Variants in CC2D2B observed in about 807,000 individuals in gnomAD.
CC2D2B encodes coiled-coil and C2 domain containing 2B, also known as protein CC2D2B.
A neutral mutation model predicts 161.2 loss-of-function variants in CC2D2B; 128 were observed. The observed-to-expected ratio is 0.79, with a 90% CI of 0.69 to 0.92. The LOEUF (loss-of-function observed/expected upper bound fraction) is 0.92. Ranked by LOEUF, CC2D2B falls within the 40% of genes least tolerant of loss-of-function variation. CC2D2B has a pLI of 0.00. For synonymous variants in CC2D2B, 391 were observed against 449.8 expected, an observed-to-expected ratio of 0.87 and a Z score of 1.65; for missense variants, 1,173 against 1,375.1, an observed-to-expected ratio of 0.85 and a Z score of 2.32.
intron 26 of CC2D2B, among the ~76,000 whole-genome samples, chr10:96,010,898 A>G (rs1351398555): frequency 1.3e-5 from 2 of 152,204 alleles, no homozygotes; most frequent in Non-Finnish European, 2.9e-5. Flanking sequence ...AGGAGATAAC[A>G]GTGCTCTCAG....
chr10:95,924,915 C>T, intron 5 of CC2D2B, 71 bp downstream of exon 5: 1 of 951,582 alleles, frequency 1.1e-6, no homozygotes, highest in Non-Finnish European at 1.6e-6. Context: ...AGCAAAACTT[C>T]ACCCATTTAA....
rs1353292495 is a variant in CC2D2B, at chr10:96,012,166, T to C, written c.3046-19T>C. ...TATTTTCATCATGCATAATCCATTA[T>C]ACTGATATACTCTTTCAGATTAGTG... On this transcript the variant is annotated intron_variant, in intron 26 of 34. Coordinates refer to ENST00000646931, the MANE Select transcript of CC2D2B (RefSeq NM_001349008.3). The C allele has an allele frequency of 2.0e-5, 13 of 652,832 alleles. No homozygotes were observed. The highest frequency in any genetic ancestry group is 3.6e-5 in the Non-Finnish European group (13 of 358,144). 40.4% of individuals were successfully genotyped at this position (652,832 alleles called of 1,614,324 possible).
intron 2 of CC2D2B, chr10:95,919,886 C>A (rs2098523391): frequency 1.3e-5 from 2 of 151,850 alleles, no homozygotes; most frequent in South Asian, 4.2e-4. Flanking sequence ...ACTAAGTCCT[C>A]TCTGCTTTTC....
intron 1 of CC2D2B, among the ~76,000 whole-genome samples, chr10:95,908,699 C>T (rs1231266458): frequency 6.6e-6 from 1 of 151,878 alleles, no homozygotes; most frequent in Non-Finnish European, 1.5e-5. Context: ...CAGAAAGGGC[C>T]TCCTGGTTGA....
In CC2D2B at chr10:96,012,296, A is replaced by G; in HGVS notation, c.3157A>G (p.Thr1053Ala). The change falls in exon 27 of 35, where the codon ACA (threonine) becomes GCA (alanine). Residue 1053 changes from threonine to alanine, a missense_variant. By Grantham distance (58) the Thr-to-Ala change is moderately conservative. Transcript: ENST00000646931. Reference sequence around the variant, plus strand: ...CAATGAGCAGAATTTAAAAGAATGTACATTCTTAAATATTTTTGCTACCAT... The same window carrying G: ...CAATGAGCAGAATTTAAAAGAATGTGCATTCTTAAATATTTTTGCTACCAT... ...DSNEQNLKEC[T>A]FLNIFATIEP... 1.4e-6 allele frequency: 1 copy of G among 713,876 alleles called. No individual in the cohort carries two copies. The allele number at this position is 713,876 out of a possible 1,614,324, so 44.2% of individuals were successfully genotyped here. A position where few individuals can be genotyped will look rare whatever the true frequency, so the allele number is the denominator to read the frequency against.
intron 13 of CC2D2B, 49 bp from the exon 14 acceptor site, chr10:95,966,141 T>G (rs1181078278): frequency 1.3e-6 from 1 of 768,064 alleles, no homozygotes; most frequent in Non-Finnish European, 1.8e-6. Flanking sequence ...ATAAATGTCC[T>G]ACACAGGGAT....
chr10:95,999,863 G>A (rs1314230620), intron 24 of CC2D2B: 5 of 488,434 alleles, frequency 1.0e-5, no homozygotes, highest in Middle Eastern at 6.2e-4. Context: ...GGTGAAGCAG[G>A]CTGGCACTTC....
In CC2D2B at chr10:95,918,054, G is replaced by A. The variant is rs1415566198; in HGVS notation, c.37-3962G>A. Among the ~76,000 whole-genome samples, 3 of 152,112 alleles carry A rather than the reference G, an allele frequency of 2.0e-5. No individual in the cohort carries two copies. The East Asian group carries it at 5.8e-4, about 29-fold the overall frequency. On this transcript the variant is annotated intron_variant, in intron 2 of 34. Coordinates refer to ENST00000646931, the MANE Select transcript of CC2D2B (RefSeq NM_001349008.3). Reference sequence around the variant, plus strand: ...AGCCTCCCAAAGTGCTGGGATTACAGGTATGAGCCACCGTGCCCAGCCTAA... The same window carrying A: ...AGCCTCCCAAAGTGCTGGGATTACAAGTATGAGCCACCGTGCCCAGCCTAA...
chr10:96,017,616 G>T lies in CC2D2B; in HGVS notation c.3630+1302G>T, dbSNP rs368855941. ...GTAGTTTTAATAATATGGGTTTGGG[G>T]GACAGTCAGACACAGGTTTAAAATG... On this transcript the variant is annotated intron_variant, in intron 30 of 34. Transcript: ENST00000646931. Among the ~76,000 whole-genome samples, 4 of 152,134 alleles carry T rather than the reference G, an allele frequency of 2.6e-5. No homozygotes were observed. The East Asian group carries it at 5.8e-4, about 22-fold the overall frequency.
intron 1 of CC2D2B, among the ~76,000 whole-genome samples, chr10:95,908,610 T>C (rs2098500358): frequency 6.6e-6 from 1 of 151,998 alleles, no homozygotes; most frequent in African/African-American, 2.4e-5. Flanking sequence ...AGGGGTTATG[T>C]TGGAGAGTGG....
chr10:95,955,577 A>T (rs1192651716), intron 11 of CC2D2B, 86 bp downstream of exon 11: 1 of 395,508 alleles, frequency 2.5e-6, no homozygotes, highest in African/African-American at 2.1e-5. Context: ...GAAGATAAAG[A>T]AAAGTACACA....
intron 22 of CC2D2B, among the ~76,000 whole-genome samples, chr10:95,993,849 TATAG>T (rs202109136): frequency 0.044 from 4,526 of 101,766 alleles, 255 homozygotes; most frequent in East Asian, 0.31. Context: ...TATATATATA[TATAG>T]AGAGAGAGAG....
intron 6 of CC2D2B, among the ~76,000 whole-genome samples, chr10:95,927,826 A>G (rs1184819428): frequency 6.6e-6 from 1 of 151,102 alleles, no homozygotes; most frequent in African/African-American, 2.4e-5. Flanking sequence ...CCCTCCTTCT[A>G]GTCAGTCCCT....
chr10:95,986,646 G>A (rs1344038510), intron 19 of CC2D2B, among the ~76,000 whole-genome samples: 1 of 152,072 alleles, frequency 6.6e-6, no homozygotes, highest in Non-Finnish European at 1.5e-5. Context: ...GCACAGGCTG[G>A]AGTGCAATGG....
intron 10 of CC2D2B, among the ~76,000 whole-genome samples, chr10:95,953,352 C>T (rs1424356642): frequency 3.3e-5 from 5 of 152,094 alleles, no homozygotes; most frequent in Admixed American, 3.3e-4. Context: ...CAGGTACATG[C>T]CACAACACCC....
chr10:95,974,728 A>C (rs1258006517), intron 17 of CC2D2B, among the ~76,000 whole-genome samples: 1 of 152,204 alleles, frequency 6.6e-6, no homozygotes, highest in East Asian at 1.9e-4. Flanking sequence ...ACATCTTAAC[A>C]CATATTTTTA....
At chr10:95,947,109 A>T (rs1395156682) in intron 9 of CC2D2B, among the ~76,000 whole-genome samples, 4 of 40,048 alleles carry the variant, frequency 1.0e-4, no homozygotes, top group African/African-American at 5.2e-4. Context: ...ATATATATAT[A>T]TATATTTTTT....
At chr10:96,020,804 A>G (rs1215873660) in intron 32 of CC2D2B, 1 of 152,284 alleles carries the variant, frequency 6.6e-6, no homozygotes, top group Non-Finnish European at 1.5e-5. Flanking sequence ...CGGTCAAGCC[A>G]TGAGGATCAC....
At chr10:95,998,813 T>C (rs191183464) in intron 24 of CC2D2B, among the ~76,000 whole-genome samples, 1 of 152,224 alleles carries the variant, frequency 6.6e-6, no homozygotes, top group East Asian at 1.9e-4. Context: ...GCTTAAACTG[T>C]ACCTAAAAAA....
Sources: allele counts gnomAD v4.1 joint callset (sites outside exome capture counted in the v4.1 genomes callset), GRCh38; gene constraint gnomAD v4.1.1; transcripts MANE v1.5; gene names NCBI Gene and HGNC (gene_info 2026-07-23, HGNC 2026-07-21).